Variants in TAFA1 observed in about 807,000 individuals in gnomAD.
The protein encoded by TAFA1 is TAFA chemokine like family member 1.
TAFA1 carries 4 observed loss-of-function variants against 18.5 expected under a neutral mutation model. The observed-to-expected ratio is 0.22, with a 90% CI of 0.11 to 0.49. The LOEUF (loss-of-function observed/expected upper bound fraction) is 0.49, where lower values mean the gene tolerates loss of function less well. TAFA1 is among the 20% of genes least tolerant of loss of function. The pLI, the probability that TAFA1 is intolerant of heterozygous loss-of-function variation, is 0.98. For synonymous variants in TAFA1, 56 were observed against 55.2 expected (o/e 1.01, Z -0.06); for missense variants, 147 against 169.0 (o/e 0.87, Z 0.72).
chr3:68,374,866 C>T (rs2069777905), intron 2 of TAFA1, among the ~76,000 whole-genome samples: 1 of 152,140 alleles, frequency 6.6e-6, no homozygotes, highest in East Asian at 1.9e-4. Flanking sequence ...TATCTCTATA[C>T]ATTCTTTATG....
intron 2 of TAFA1, among the ~76,000 whole-genome samples, chr3:68,305,926 A>G (rs1054347421): frequency 3.3e-5 from 5 of 152,212 alleles, no homozygotes; most frequent in Non-Finnish European, 7.3e-5. Context: ...GTATTAAATG[A>G]GCAAATACAG....
At chr3:68,469,993 TC>T (rs759029999) in intron 3 of TAFA1, among the ~76,000 whole-genome samples, 11 of 152,144 alleles carry the variant, frequency 7.2e-5, no homozygotes, top group Non-Finnish European at 1.5e-4. Context: ...TTTGGCTGTG[TC>T]CCCATCCAAA....
chr3:67,994,500 C>A, the TAFA1 span, among the ~76,000 whole-genome samples: 11 of 152,290 alleles, frequency 7.2e-5, no homozygotes, highest in East Asian at 1.2e-3. Context: ...GCTTTTGATT[C>A]CAAGTAACAA....
chr3:68,315,131 T>C (rs1369343759), intron 2 of TAFA1, among the ~76,000 whole-genome samples: 1 of 152,154 alleles, frequency 6.6e-6, no homozygotes, highest in African/African-American at 2.4e-5. Flanking sequence ...TTAGCTCTTC[T>C]CTTCCTGGAA....
At chr3:68,519,827 C>A (rs1054011355) in intron 3 of TAFA1, among the ~76,000 whole-genome samples, 1 of 152,190 alleles carries the variant, frequency 6.6e-6, no homozygotes, top group Non-Finnish European at 1.5e-5. Context: ...CCCAAACACC[C>A]TATCTCCTAA....
At chr3:68,510,173 C>T (rs2072824189) in intron 3 of TAFA1, among the ~76,000 whole-genome samples, 1 of 152,078 alleles carries the variant, frequency 6.6e-6, no homozygotes, top group African/African-American at 2.4e-5. Flanking sequence ...TAACATAAAT[C>T]TTCCTTAATC....
intron 2 of TAFA1, among the ~76,000 whole-genome samples, chr3:68,395,461 A>G (rs2070358866): frequency 6.6e-6 from 1 of 152,220 alleles, no homozygotes; most frequent in Admixed American, 6.5e-5. Flanking sequence ...AAAGGATTAT[A>G]AATCATTGCA....
intron 2 of TAFA1, among the ~76,000 whole-genome samples, chr3:68,162,508 T>G (rs906814908): frequency 6.6e-6 from 1 of 152,188 alleles, no homozygotes; most frequent in Non-Finnish European, 1.5e-5. Flanking sequence ...TGCCTGTCTA[T>G]GGCCCAGGGG....
intron 3 of TAFA1, among the ~76,000 whole-genome samples, chr3:68,453,612 G>A (rs2071604674): frequency 6.6e-6 from 1 of 152,190 alleles, no homozygotes; most frequent in Admixed American, 6.5e-5. Context: ...ATGAGAAAAT[G>A]TACAGCTAGG....
chr3:68,338,174 T>C (rs2069008826), intron 2 of TAFA1, among the ~76,000 whole-genome samples: 1 of 152,238 alleles, frequency 6.6e-6, no homozygotes, highest in African/African-American at 2.4e-5. Context: ...CATGCTTTAA[T>C]TTTTACTTAT....
intron 2 of TAFA1, among the ~76,000 whole-genome samples, chr3:68,067,110 G>A (rs2064688204): frequency 1.3e-5 from 2 of 152,118 alleles, no homozygotes; most frequent in Non-Finnish European, 2.9e-5. Context: ...CATAATATTG[G>A]CCAGGATTCA....
intron 2 of TAFA1, among the ~76,000 whole-genome samples, chr3:68,213,308 G>A (rs1214410009): frequency 6.6e-6 from 1 of 152,074 alleles, no homozygotes; most frequent in Admixed American, 6.6e-5. Flanking sequence ...ATAGCACCCA[G>A]ATCTAGCTCA....
chr3:68,298,141 G>C (rs1575757237), intron 2 of TAFA1, among the ~76,000 whole-genome samples: 1 of 152,176 alleles, frequency 6.6e-6, no homozygotes, highest in South Asian at 2.1e-4. Flanking sequence ...TCCCCAGTGA[G>C]CCTGTGCCCT....
Position 68,184,796 on chromosome 3 carries a change from T to C in TAFA1, c.118+178052T>C, listed in dbSNP as rs1299036226. Among the ~76,000 whole-genome samples the C allele has an allele frequency of 4.6e-5, 7 of 152,284 alleles. No individual in the cohort carries two copies. In the East Asian group the frequency reaches 5.8e-4, roughly 13 times the overall value. ...ATATGTATAGATTTAATATTTTTCATAGTGGCCTGTGGACCACCATTTTAC... is the reference window on the plus strand; with the variant it reads ...ATATGTATAGATTTAATATTTTTCACAGTGGCCTGTGGACCACCATTTTAC... On this transcript the variant is annotated intron_variant, in intron 2 of 4. Coordinates refer to ENST00000478136, the MANE Select transcript of TAFA1 (RefSeq NM_213609.4).
intron 3 of TAFA1, among the ~76,000 whole-genome samples, chr3:68,528,412 A>T (rs2073138567): frequency 6.6e-6 from 1 of 152,242 alleles, no homozygotes; most frequent in Admixed American, 6.5e-5. Context: ...TAATGTCTCA[A>T]AATTGGATCC....
At chr3:68,191,089 C>A (rs1174700552) in intron 2 of TAFA1, among the ~76,000 whole-genome samples, 1 of 151,770 alleles carries the variant, frequency 6.6e-6, no homozygotes, top group Non-Finnish European at 1.5e-5. Context: ...TACATGAAAT[C>A]CCCATGTGAA....
At chr3:68,069,921 C>T (rs2064730859) in intron 2 of TAFA1, among the ~76,000 whole-genome samples, 1 of 152,228 alleles carries the variant, frequency 6.6e-6, no homozygotes, top group Non-Finnish European at 1.5e-5. Context: ...GGCAGCTCCA[C>T]CTCTGTGCCT....
chr3:68,021,603 T>A (rs1474612368), intron 2 of TAFA1, among the ~76,000 whole-genome samples: 1 of 152,216 alleles, frequency 6.6e-6, no homozygotes, highest in Non-Finnish European at 1.5e-5. Context: ...GTATGTACCC[T>A]GTATTTTCTA....
At chr3:68,070,746 A>G (rs1279272102) in intron 2 of TAFA1, among the ~76,000 whole-genome samples, 1 of 152,174 alleles carries the variant, frequency 6.6e-6, no homozygotes, top group Non-Finnish European at 1.5e-5. Flanking sequence ...CTTCCTCCAG[A>G]TAACCTAAAT....
Sources: allele counts gnomAD v4.1 joint callset (sites outside exome capture counted in the v4.1 genomes callset), GRCh38; gene constraint gnomAD v4.1.1; transcripts MANE v1.5; gene names NCBI Gene and HGNC (gene_info 2026-07-23, HGNC 2026-07-21).